Variants in MRAP2 observed in about 807,000 individuals in gnomAD.
MRAP2 encodes the protein melanocortin-2 receptor accessory protein 2.
A neutral mutation model predicts 17.4 loss-of-function variants in MRAP2; 20 were observed. The ratio of observed to expected loss-of-function variants is 1.15; its 90% CI spans 0.81 to 1.67. The LOEUF is 1.67. Among genes scored for constraint, MRAP2 ranks in the 40% most tolerant of loss-of-function variants. The probability of loss-of-function intolerance (pLI) is 0.00; values close to 1 mark genes in which losing one functional copy is unlikely to be tolerated. For missense variants in MRAP2, 238 were observed against 240.0 expected, an observed-to-expected ratio of 0.99 and a Z score of 0.05; for synonymous variants, 96 against 88.4, an observed-to-expected ratio of 1.09 and a Z score of -0.48.
At chr6:84,119,279 T>A in the MRAP2 span, among the ~76,000 whole-genome samples, 2 of 152,218 alleles carry the variant, frequency 1.3e-5, no homozygotes, top group Non-Finnish European at 2.9e-5. Flanking sequence ...GTAGTCTGGA[T>A]ACTTCAATAT....
intron 1 of MRAP2, among the ~76,000 whole-genome samples, chr6:84,038,294 A>T (rs568497163): frequency 1.3e-5 from 2 of 152,170 alleles, no homozygotes; most frequent in Non-Finnish European, 2.9e-5. Context: ...TCTTGGAGTG[A>T]TGTGAAACTA....
chr6:84,060,142 A>G lies in MRAP2; in HGVS notation c.128-2751A>G, dbSNP rs143523069. Among the ~76,000 whole-genome samples the G allele has an allele frequency of 5.4e-3, 816 of 152,298 alleles. 7 individuals are homozygous for G. The highest frequency in any genetic ancestry group is 0.019 in the African/African-American group (775 of 41,550). ...GAATAAGCAGAGCTACTTAAAGCAT[A>G]TTGCCATGAAAAACATAGATGCCGC... On this transcript the variant is annotated intron_variant, in intron 2 of 3. Transcript: ENST00000257776.
At chr6:84,143,688 A>G in the MRAP2 span, among the ~76,000 whole-genome samples, 1 of 152,142 alleles carries the variant, frequency 6.6e-6, no homozygotes, top group African/African-American at 2.4e-5. Context: ...CTAAAACAGA[A>G]TATGTTTATT....
At chr6:84,125,376 A>G in the MRAP2 span, 2 of 940,134 alleles carry the variant, frequency 2.1e-6, no homozygotes, top group East Asian at 2.5e-5. Context: ...TTCTTTGGGG[A>G]ACTCAGGTAA....
At chr6:84,099,309 T>C in the MRAP2 span, among the ~76,000 whole-genome samples, 2 of 151,128 alleles carry the variant, frequency 1.3e-5, no homozygotes, top group African/African-American at 2.4e-5. Flanking sequence ...GTTGGCTTTA[T>C]TTATTTTTTA....
chr6:84,105,166 CT>C, the MRAP2 span, among the ~76,000 whole-genome samples: 2 of 152,166 alleles, frequency 1.3e-5, no homozygotes, highest in Non-Finnish European at 2.9e-5. Context: ...CCAACCTCTG[CT>C]TGTTACCCAG....
intron 1 of MRAP2, among the ~76,000 whole-genome samples, chr6:84,047,397 A>C (rs140978924): frequency 2.0e-5 from 3 of 151,568 alleles, no homozygotes; most frequent in African/African-American, 7.3e-5. Context: ...TGCCAGGTTG[A>C]CCAGGCTGGT....
intron 3 of MRAP2, among the ~76,000 whole-genome samples, chr6:84,086,182 T>C (rs886522132): frequency 3.3e-5 from 5 of 152,222 alleles, no homozygotes; most frequent in African/African-American, 9.6e-5. Flanking sequence ...ATATAACTTA[T>C]GTGCATATTC....
At chr6:84,144,223 G>T in the MRAP2 span, among the ~76,000 whole-genome samples, 1 of 151,940 alleles carries the variant, frequency 6.6e-6, no homozygotes, top group Non-Finnish European at 1.5e-5. Flanking sequence ...GTGATAAATT[G>T]TACAGGAATC....
At chr6:84,115,775 C>A in the MRAP2 span, among the ~76,000 whole-genome samples, 1 of 152,180 alleles carries the variant, frequency 6.6e-6, no homozygotes, top group Admixed American at 6.5e-5. Flanking sequence ...AACATCTGGG[C>A]TGGAGTTCAC....
At chr6:84,104,179 C>A in the MRAP2 span, among the ~76,000 whole-genome samples, 3 of 152,182 alleles carry the variant, frequency 2.0e-5, no homozygotes, top group Non-Finnish European at 4.4e-5. Context: ...AGCCACAGGC[C>A]GAGCTCTACA....
At chr6:84,111,122 T>C in the MRAP2 span, among the ~76,000 whole-genome samples, 1 of 152,208 alleles carries the variant, frequency 6.6e-6, no homozygotes, top group Non-Finnish European at 1.5e-5. Flanking sequence ...AAAGTATTTT[T>C]TTTTCCAATT....
chr6:84,117,717 G>A, the MRAP2 span, among the ~76,000 whole-genome samples: 1 of 150,794 alleles, frequency 6.6e-6, no homozygotes, highest in Non-Finnish European at 1.5e-5. Context: ...TAACAGTTTG[G>A]CCACTCTCCA....
chr6:84,127,293 T>C, the MRAP2 span, among the ~76,000 whole-genome samples: 1 of 151,876 alleles, frequency 6.6e-6, no homozygotes, highest in Non-Finnish European at 1.5e-5. Context: ...ACTCTTGTTT[T>C]CTATGAAAAC....
intron 1 of MRAP2, among the ~76,000 whole-genome samples, chr6:84,034,316 C>CTGG (rs139877985): frequency 0.023 from 3,493 of 152,242 alleles, 42 homozygotes; most frequent in Middle Eastern, 0.068. Context: ...GGGAAATGTG[C>CTGG]TGGCTCCTGG....
chr6:84,141,526 C>T, the MRAP2 span, among the ~76,000 whole-genome samples: 9 of 152,110 alleles, frequency 5.9e-5, no homozygotes, highest in Non-Finnish European at 1.2e-4. Flanking sequence ...AACATCTTTC[C>T]TCAAAATCCA....
the MRAP2 span, among the ~76,000 whole-genome samples, chr6:84,132,658 A>G: frequency 0.25 from 38,126 of 152,068 alleles, 10,701 homozygotes; most frequent in African/African-American, 0.7. Flanking sequence ...TTGTGCATAC[A>G]TCACATAGTT....
chr6:84,115,069 A>G, the MRAP2 span, among the ~76,000 whole-genome samples: 1 of 152,104 alleles, frequency 6.6e-6, no homozygotes, highest in African/African-American at 2.4e-5. Flanking sequence ...CCCCTTAAGG[A>G]GGCAGTCTGT....
rs534046251 is a variant in MRAP2 at position 84,034,373 on chromosome 6, T to C, written c.-8+490T>C. Among the ~76,000 whole-genome samples the C allele has an allele frequency of 2.3e-4, 35 of 152,274 alleles. No homozygotes were observed. In the South Asian group the frequency reaches 3.9e-3, roughly 17 times the overall value. Reference sequence around the variant, plus strand: ...CTGGGCAGGGTTCTCAGATGATGCCTGGCTTGACAGTTGCTCATTCATTTT... The same window carrying C: ...CTGGGCAGGGTTCTCAGATGATGCCCGGCTTGACAGTTGCTCATTCATTTT... On this transcript the variant is annotated intron_variant, in intron 1 of 3. Transcript: ENST00000257776.
Sources: gnomAD v4.1 joint callset for allele counts (sites outside exome capture counted in the v4.1 genomes callset) on GRCh38, gnomAD v4.1.1 for gene constraint, MANE v1.5 for transcripts, NCBI Gene and HGNC (gene_info 2026-07-23, HGNC 2026-07-21) for gene names.